SSX7: variants seen among roughly 807,000 people sequenced by gnomAD.
The protein encoded by SSX7 is protein SSX7.
Under a neutral mutation model 14.7 loss-of-function variants are expected in SSX7, and 15 were observed. The observed-to-expected ratio is 1.02, with a 90% CI of 0.68 to 1.58. The LOEUF (loss-of-function observed/expected upper bound fraction) is 1.58, where lower values mean the gene tolerates loss of function less well. SSX7 is among the 40% of genes most tolerant of loss of function. The pLI, the probability that SSX7 is intolerant of heterozygous loss-of-function variation, is 0.00. For synonymous variants in SSX7, 46 were observed against 50.6 expected, an observed-to-expected ratio of 0.91 and a Z score of 0.38; for missense variants, 178 against 146.8, an observed-to-expected ratio of 1.21 and a Z score of -1.10.
At chrX:52,647,761 T>C (rs1242200255) in intron 6 of SSX7, among the ~76,000 whole-genome samples, 7 of 112,152 alleles carry the variant, frequency 6.2e-5, no homozygotes, top group Non-Finnish European at 1.1e-4. Flanking sequence ...CAGTATAGTG[T>C]AAACATAATG....
intron 6 of SSX7, among the ~76,000 whole-genome samples, chrX:52,647,715 T>C (rs1181484974): frequency 9.0e-6 from 1 of 111,677 alleles, no homozygotes; most frequent in East Asian, 2.8e-4. Context: ...GTATGTACAT[T>C]TTTAGACATA....
chrX:52,651,703 C>A (rs782071625), intron 4 of SSX7, among the ~76,000 whole-genome samples: 1 of 111,015 alleles, frequency 9.0e-6, no homozygotes, highest in African/African-American at 3.3e-5. Context: ...TGGTAAAACC[C>A]CGTCTCTACC....
chrX:52,653,458 G>C lies in SSX7; in HGVS notation c.15C>G (p.Asp5Glu). Reference protein sequence around the residue: MNGDDAFARRPRAGA... With the variant: MNGDEAFARRPRAGA... ...CAGCCCTAGGTCTCCTTGCAAAGGCGTCGTCTCCGTTCATGGCACCAGGAG... is the reference window on the plus strand; with the variant it reads ...CAGCCCTAGGTCTCCTTGCAAAGGCCTCGTCTCCGTTCATGGCACCAGGAG... Residue 5 changes from aspartate (D) to glutamate (E), a missense_variant, in exon 2 of 8, where the codon GAC becomes GAG. Asp to Glu is a conservative substitution (Grantham distance 45). Coordinates refer to ENST00000298181, the MANE Select transcript of SSX7 (RefSeq NM_173358.2). 1.7e-6 allele frequency: 2 copies of C among 1,211,254 alleles called. No individual in the cohort carries two copies. The highest frequency in any genetic ancestry group is 2.2e-6 in the Non-Finnish European group (2 of 895,337).
chrX:52,645,342 G>A, intron 7 of SSX7, 97 bp downstream of exon 7: 1 of 1,200,686 alleles, frequency 8.3e-7, no homozygotes, highest in Non-Finnish European at 1.1e-6. Flanking sequence ...TTATGAGACG[G>A]GAATGATTTG....
chrX:52,646,166 C>T (rs1166196234), intron 6 of SSX7, among the ~76,000 whole-genome samples: 2 of 111,853 alleles, frequency 1.8e-5, no homozygotes, highest in Non-Finnish European at 3.8e-5. Flanking sequence ...CCAGTTCAAG[C>T]GATTCTCCTG....
rs781787624 is a variant in SSX7 at position 52,652,635 on chromosome X, CA to C, written c.184+234del. On this transcript the variant is annotated intron_variant, in intron 3 of 7. Transcript: ENST00000298181. ...ACAGAGACACTTGGACTCATCAGAA[CA>C]GAAGCCTAAGGGAGAGAAACGTGCA... is the stretch of plus-strand genomic sequence containing the variant. Among the ~76,000 whole-genome samples the C allele has an allele frequency of 6.5e-3, 719 of 110,628 alleles. 4 individuals are homozygous for C. Among genetic ancestry groups the C allele is most frequent in the African/African-American group, 0.022 (683 of 30,470 alleles).
At chrX:52,648,234 G>A (rs782473177) in intron 6 of SSX7, 27 bp downstream of exon 6, 3 of 1,201,926 alleles carry the variant, frequency 2.5e-6, no homozygotes, top group African/African-American at 1.8e-5. Flanking sequence ...AAGCCAGAGG[G>A]TTTGTTCCCG....
At chrX:52,652,805 G>A in intron 3 of SSX7, 65 bp downstream of exon 3, 2 of 1,018,061 alleles carry the variant, frequency 2.0e-6, no homozygotes, top group Non-Finnish European at 2.7e-6. Flanking sequence ...CTAAGAAGTA[G>A]CCAAAGCAGG....
At position 52,648,368 on chromosome X, in the gene SSX7, C is replaced by T. The variant is rs1176040205; in HGVS notation, c.359G>A (p.Gly120Glu). ...TTCTGGCACTCCCTTCGAATCATTT[C>T]CTTCCTCTGCTGGCTTCTTGGGCAT... ...KIMPKKPAEE[G>E]NDSKGVPEAS... Residue 120 changes from glycine to glutamate, a missense_variant, in exon 6 of 8, where the codon GGA becomes GAA. Gly to Glu is a moderately conservative substitution (Grantham distance 98). Coordinates refer to ENST00000298181, the MANE Select transcript of SSX7 (RefSeq NM_173358.2). 3 of 1,210,226 alleles carry T rather than the reference C, an allele frequency of 2.5e-6. No homozygotes were observed. The highest frequency in any genetic ancestry group is 3.4e-6 in the Non-Finnish European group (3 of 895,303).
chrX:52,649,236 G>A (rs1925347835), intron 5 of SSX7, among the ~76,000 whole-genome samples: 1 of 110,905 alleles, frequency 9.0e-6, no homozygotes, highest in Non-Finnish European at 1.9e-5. Context: ...TTACCATGTT[G>A]GGCAGGATGG....
intron 4 of SSX7, 69 bp downstream of exon 4, chrX:52,652,183 C>G: frequency 3.3e-6 from 3 of 921,342 alleles, no homozygotes; most frequent in Non-Finnish European, 4.7e-6. Flanking sequence ...GAGGATCTTT[C>G]CCAAGTAGCT....
chrX:52,649,643 C>T (rs1925366635), intron 5 of SSX7, among the ~76,000 whole-genome samples: 1 of 111,392 alleles, frequency 9.0e-6, no homozygotes, highest in African/African-American at 3.3e-5. Context: ...TCAAGGAGCT[C>T]ACAGTAGGGA....
chrX:52,647,373 T>C (rs1328767917), intron 6 of SSX7, among the ~76,000 whole-genome samples: 5 of 112,511 alleles, frequency 4.4e-5, no homozygotes, highest in Non-Finnish European at 7.5e-5. Context: ...AAAATAGCCT[T>C]CTATTGGAAG....
At chrX:52,648,478 C>G (rs1433427907) in intron 5 of SSX7, 82 bp from the exon 6 acceptor site, 1 of 1,150,228 alleles carries the variant, frequency 8.7e-7, no homozygotes, top group African/African-American at 1.8e-5. Flanking sequence ...TCTTCACATG[C>G]ATTACCTTAA....
In SSX7 at chrX:52,645,640, T is replaced by A; in HGVS notation, c.467-97A>T. ...AAGGAGATGCCTCCCCCCTCCCAAG[T>A]GCCCATGGGCCTTCTTTATCCAGTT... On this transcript the variant is annotated intron_variant, in intron 6 of 7. Transcript: ENST00000298181. 3 of 706,103 alleles carry A rather than the reference T, an allele frequency of 4.2e-6. No individual in the cohort carries two copies. The South Asian group carries it at 8.4e-5, about 20-fold the overall frequency. 58.2% of individuals were successfully genotyped at this position (706,103 alleles called of 1,213,427 possible).
intron 6 of SSX7, among the ~76,000 whole-genome samples, chrX:52,646,628 T>C (rs782714921): frequency 1.3e-4 from 15 of 112,108 alleles, no homozygotes; most frequent in African/African-American, 4.2e-4. Context: ...CCATAGAAGA[T>C]GACAAACTTA....
At position 52,651,264 on chromosome X, in the gene SSX7, A is replaced by G. The variant is rs374503318; in HGVS notation, c.281-862T>C. Among the ~76,000 whole-genome samples, 29 of 111,926 alleles carry G rather than the reference A, an allele frequency of 2.6e-4. 1 individual carries two copies. Among genetic ancestry groups the G allele is most frequent in the Admixed American group, 2.4e-3 (25 of 10,492 alleles). On this transcript the variant is annotated intron_variant, in intron 4 of 7. Transcript: ENST00000298181. ...TCTGATAAAATACAGAGAAACAGCG[A>G]TCTTTATTACATAATGTGTTCATCA...
At chrX:52,645,035 C>G (rs781851843) in intron 7 of SSX7, among the ~76,000 whole-genome samples, 3 of 110,795 alleles carry the variant, frequency 2.7e-5, no homozygotes, top group South Asian at 7.7e-4. Flanking sequence ...TTTGGGAGGC[C>G]GAGGCGGGCG....
chrX:52,647,946 C>T (rs1273649773), intron 6 of SSX7, among the ~76,000 whole-genome samples: 3 of 111,964 alleles, frequency 2.7e-5, no homozygotes, highest in African/African-American at 6.5e-5. Context: ...CCTTTCATGT[C>T]ATCAGGCCTT....
Sources: gnomAD v4.1 joint callset for allele counts (sites outside exome capture counted in the v4.1 genomes callset) on GRCh38, gnomAD v4.1.1 for gene constraint, MANE v1.5 for transcripts, NCBI Gene and HGNC (gene_info 2026-07-23, HGNC 2026-07-21) for gene names.